The following TSPAN5 variants were observed in gnomAD, a reference collection of about 807,000 sequenced individuals.
TSPAN5 encodes tetraspanin 5, also known as tetraspanin-5.
A neutral mutation model predicts 37.1 loss-of-function variants in TSPAN5; 10 were observed. The ratio of observed to expected loss-of-function variants is 0.27; its 90% CI spans 0.17 to 0.46. TSPAN5 has a LOEUF of 0.46. Ranked by LOEUF, TSPAN5 falls within the 20% of genes least tolerant of loss-of-function variation. The probability of loss-of-function intolerance (pLI) is 1.00; values close to 1 mark genes in which losing one functional copy is unlikely to be tolerated. For missense variants in TSPAN5, 195 were observed against 326.6 expected, an observed-to-expected ratio of 0.60 and a Z score of 3.11; for synonymous variants, 110 against 118.9, an observed-to-expected ratio of 0.93 and a Z score of 0.48.
At chr4:98,576,044 G>A (rs1404413728) in intron 1 of TSPAN5, among the ~76,000 whole-genome samples, 1 of 152,100 alleles carries the variant, frequency 6.6e-6, no homozygotes, top group Non-Finnish European at 1.5e-5. Context: ...ACTCCAGCCT[G>A]GTGGACAGAG....
At chr4:98,605,973 C>T (rs534677355) in intron 1 of TSPAN5, among the ~76,000 whole-genome samples, 1 of 152,326 alleles carries the variant, frequency 6.6e-6, no homozygotes, top group South Asian at 2.1e-4. Flanking sequence ...GTTGACACCA[C>T]CATTTGTTTT....
In TSPAN5 at chr4:98,472,529, C is replaced by T; in HGVS notation, c.800G>A (p.Ser267Asn). Residue 267 changes from serine to asparagine, a missense_variant, in exon 8 of 8, where the codon AGC (serine) becomes AAC (asparagine). Coordinates refer to ENST00000305798, the MANE Select transcript of TSPAN5 (RefSeq NM_005723.4). ...GCAGCGGTTGCAGGGGGTCTACCAG[C>T]TCGCCCTGACAGCTTCGATATCGCT... ...LVSDIEAVRA[S>N]W 3.7e-6 allele frequency: 6 copies of T among 1,614,006 alleles called. No individual in the cohort carries two copies. Among genetic ancestry groups the T allele is most frequent in the East Asian group, 2.2e-5 (1 of 44,874 alleles).
At chr4:98,550,274 T>C (rs1225970035) in intron 1 of TSPAN5, among the ~76,000 whole-genome samples, 1 of 152,218 alleles carries the variant, frequency 6.6e-6, no homozygotes, top group Non-Finnish European at 1.5e-5. Context: ...CATGTTGTTT[T>C]GGTTACTATA....
intron 1 of TSPAN5, among the ~76,000 whole-genome samples, chr4:98,520,104 G>C (rs1018134240): frequency 2.0e-5 from 3 of 152,168 alleles, no homozygotes; most frequent in African/African-American, 7.2e-5. Flanking sequence ...TTGTCTTAGA[G>C]AGCATGAAGA....
At chr4:98,513,085 G>A (rs1294382479) in intron 1 of TSPAN5, among the ~76,000 whole-genome samples, 2 of 152,222 alleles carry the variant, frequency 1.3e-5, no homozygotes, top group Non-Finnish European at 2.9e-5. Flanking sequence ...AGGAGGAAGA[G>A]TGTTTCAGGC....
chr4:98,524,165 G>A (rs1486911332), intron 1 of TSPAN5, among the ~76,000 whole-genome samples: 1 of 152,126 alleles, frequency 6.6e-6, no homozygotes, highest in Non-Finnish European at 1.5e-5. Context: ...TATCAGAACC[G>A]AAATAGCATA....
intron 1 of TSPAN5, among the ~76,000 whole-genome samples, chr4:98,620,793 G>A (rs57333661): frequency 0.17 from 26,472 of 152,178 alleles, 2,439 homozygotes; most frequent in Middle Eastern, 0.2. Flanking sequence ...AAGGTAGGCA[G>A]GGGTCAGACC....
At chr4:98,640,581 G>T (rs1756944247) in intron 1 of TSPAN5, among the ~76,000 whole-genome samples, 1 of 152,192 alleles carries the variant, frequency 6.6e-6, no homozygotes, top group South Asian at 2.1e-4. Context: ...GGCTACACAG[G>T]AGAGGAAATT....
intron 1 of TSPAN5, among the ~76,000 whole-genome samples, chr4:98,518,880 G>A (rs1040459739): frequency 3.3e-5 from 5 of 152,258 alleles, no homozygotes; most frequent in African/African-American, 1.2e-4. Flanking sequence ...GGCTAGAAGG[G>A]TTAAGGCCTG....
At chr4:98,480,107 A>C (rs945231786) in intron 4 of TSPAN5, among the ~76,000 whole-genome samples, 2 of 152,124 alleles carry the variant, frequency 1.3e-5, no homozygotes, top group African/African-American at 4.8e-5. Flanking sequence ...CGACCTGCCG[A>C]TCCGCCTGGG....
chr4:98,558,469 G>A (rs1754799195), intron 1 of TSPAN5, among the ~76,000 whole-genome samples: 1 of 152,194 alleles, frequency 6.6e-6, no homozygotes, highest in Admixed American at 6.5e-5. Flanking sequence ...TGCAGCGAAG[G>A]GAGGGTAAAC....
At chr4:98,622,687 A>G (rs1756507629) in intron 1 of TSPAN5, among the ~76,000 whole-genome samples, 1 of 152,228 alleles carries the variant, frequency 6.6e-6, no homozygotes, top group Non-Finnish European at 1.5e-5. Context: ...AGGACATGTC[A>G]GGTAGGACAG....
chr4:98,522,429 C>A (rs913736077), intron 1 of TSPAN5, among the ~76,000 whole-genome samples: 2 of 152,216 alleles, frequency 1.3e-5, no homozygotes, highest in South Asian at 4.1e-4. Context: ...AGAAGTTATA[C>A]CTCCGATCAA....
At chr4:98,534,534 G>A (rs891635247) in intron 1 of TSPAN5, among the ~76,000 whole-genome samples, 20 of 152,164 alleles carry the variant, frequency 1.3e-4, no homozygotes, top group East Asian at 3.8e-4. Context: ...TATTAGGTCC[G>A]CTTGGTCCAG....
rs370154343 is a variant in TSPAN5 at position 98,478,813 on chromosome 4, A to G, written c.451-3T>C. 7 of 1,613,542 alleles carry G rather than the reference A, an allele frequency of 4.3e-6. No individual in the cohort carries two copies. The East Asian group carries it at 8.9e-5, about 21-fold the overall frequency. Reference sequence around the variant, plus strand: ...CCAAAAGCCCCACAGCACTGCCACTAGAGCAAACAGGAAAGAATTAGAACA... The same window carrying G: ...CCAAAAGCCCCACAGCACTGCCACTGGAGCAAACAGGAAAGAATTAGAACA... On this transcript the variant is annotated splice_polypyrimidine_tract_variant and splice_region_variant and intron_variant, in intron 4 of 7. Coordinates refer to ENST00000305798, the MANE Select transcript of TSPAN5 (RefSeq NM_005723.4).
At chr4:98,519,900 C>T (rs774617493) in intron 1 of TSPAN5, among the ~76,000 whole-genome samples, 2 of 152,098 alleles carry the variant, frequency 1.3e-5, no homozygotes, top group African/African-American at 2.4e-5. Flanking sequence ...TCTTCCTCTA[C>T]AAAACACAGA....
At chr4:98,479,096 A>G (rs1363142962) in intron 4 of TSPAN5, among the ~76,000 whole-genome samples, 1 of 152,182 alleles carries the variant, frequency 6.6e-6, no homozygotes, top group Non-Finnish European at 1.5e-5. Flanking sequence ...CTCAGTTAGA[A>G]CAAGATCTGT....
At chr4:98,619,786 A>G (rs1323573126) in intron 1 of TSPAN5, among the ~76,000 whole-genome samples, 1 of 152,192 alleles carries the variant, frequency 6.6e-6, no homozygotes, top group African/African-American at 2.4e-5. Flanking sequence ...GGGGAGGTCC[A>G]AAATCAAGGC....
chr4:98,521,408 T>C (rs1295521526), intron 1 of TSPAN5, among the ~76,000 whole-genome samples: 1 of 152,176 alleles, frequency 6.6e-6, no homozygotes, highest in African/African-American at 2.4e-5. Flanking sequence ...CAACTCACTA[T>C]GTATCACCTG....
Sources: allele counts gnomAD v4.1 joint callset (sites outside exome capture counted in the v4.1 genomes callset), GRCh38; gene constraint gnomAD v4.1.1; transcripts MANE v1.5; gene names NCBI Gene and HGNC (gene_info 2026-07-23, HGNC 2026-07-21).